Variants in EEPD1 observed in about 807,000 individuals in gnomAD.
The protein encoded by EEPD1 is endonuclease/exonuclease/phosphatase family domain-containing protein 1.
EEPD1 carries 17 observed loss-of-function variants against 46.3 expected under a neutral mutation model. The observed-to-expected ratio is 0.37, with a 90% confidence interval of 0.25 to 0.55. The LOEUF is 0.55. Among genes scored for constraint, EEPD1 ranks in the 20% least tolerant of loss-of-function variants. The pLI, the probability that EEPD1 is intolerant of heterozygous loss-of-function variation, is 0.83. For synonymous variants in EEPD1, 313 were observed against 315.6 expected, an observed-to-expected ratio of 0.99 and a Z score of 0.09; for missense variants, 673 against 745.6, an observed-to-expected ratio of 0.90 and a Z score of 1.13.
chr7:36,164,591 T>A (rs571314202), intron 2 of EEPD1, among the ~76,000 whole-genome samples: 51 of 152,386 alleles, frequency 3.3e-4, no homozygotes, highest in African/African-American at 1.2e-3. Context: ...TTGTTCTACA[T>A]GTTTATTGTA....
At chr7:36,235,774 G>A (rs1786422735) in intron 2 of EEPD1, among the ~76,000 whole-genome samples, 1 of 152,198 alleles carries the variant, frequency 6.6e-6, no homozygotes, top group African/African-American at 2.4e-5. Flanking sequence ...ACAGTAAGTA[G>A]CTATCAGATA....
chr7:36,249,731 T>C (rs916251027), intron 3 of EEPD1, among the ~76,000 whole-genome samples: 4 of 152,228 alleles, frequency 2.6e-5, no homozygotes, highest in Non-Finnish European at 5.9e-5. Flanking sequence ...TGTCAGGGCT[T>C]ATTCAAGGCT....
intron 2 of EEPD1, among the ~76,000 whole-genome samples, chr7:36,223,052 G>A (rs917623980): frequency 1.3e-5 from 2 of 152,108 alleles, no homozygotes; most frequent in African/African-American, 4.8e-5. Context: ...TTGGGAGGCT[G>A]AGACAGGAGA....
At position 36,287,594 on chromosome 7, in the gene EEPD1, T is replaced by C. The variant is rs368005491; in HGVS notation, c.1177-45T>C. On this transcript the variant is annotated intron_variant, in intron 5 of 7. Coordinates refer to ENST00000242108, the MANE Select transcript of EEPD1 (RefSeq NM_030636.3). ...TCGGTTGTAACGGATACAGGAAATA[T>C]GAGCTTCTGAGCCTCTCCCTGTTGC... The C allele has an allele frequency of 9.4e-6, 15 of 1,591,958 alleles. No individual in the cohort carries two copies. In the African/African-American group the frequency reaches 1.3e-4, roughly 14 times the overall value.
intron 2 of EEPD1, among the ~76,000 whole-genome samples, chr7:36,229,994 C>T (rs1388177005): frequency 4.6e-5 from 7 of 152,098 alleles, no homozygotes; most frequent in African/African-American, 1.7e-4. Context: ...ACTCAAAGGT[C>T]CCAAAGCCCT....
intron 2 of EEPD1, among the ~76,000 whole-genome samples, chr7:36,201,932 A>C (rs1043047593): frequency 1.3e-5 from 2 of 152,112 alleles, no homozygotes; most frequent in Non-Finnish European, 2.9e-5. Flanking sequence ...AAAGGGTTCT[A>C]CCTGACCTGC....
intron 2 of EEPD1, among the ~76,000 whole-genome samples, chr7:36,173,548 C>T (rs1785126829): frequency 1.3e-5 from 2 of 151,898 alleles, no homozygotes; most frequent in Admixed American, 6.6e-5. Context: ...TTCTCTTCTG[C>T]TGCCATGTAA....
At chr7:36,258,166 A>G (rs1786857128) in intron 3 of EEPD1, among the ~76,000 whole-genome samples, 1 of 152,216 alleles carries the variant, frequency 6.6e-6, no homozygotes, top group African/African-American at 2.4e-5. Flanking sequence ...GCTGCAGAAC[A>G]GCAAAGATTG....
At chr7:36,242,089 TC>T (rs1245213770) in intron 3 of EEPD1, among the ~76,000 whole-genome samples, 1 of 152,202 alleles carries the variant, frequency 6.6e-6, no homozygotes, top group African/African-American at 2.4e-5. Context: ...AAGCCCACCT[TC>T]CTAACTAGTT....
intron 2 of EEPD1, among the ~76,000 whole-genome samples, chr7:36,156,783 G>A (rs1784831404): frequency 6.6e-6 from 1 of 152,208 alleles, no homozygotes; most frequent in Non-Finnish European, 1.5e-5. Context: ...CACCCTCCAG[G>A]TGGTTCTGAT....
chr7:36,266,066 T>C (rs1214023651), intron 3 of EEPD1, among the ~76,000 whole-genome samples: 1 of 152,186 alleles, frequency 6.6e-6, no homozygotes, highest in Non-Finnish European at 1.5e-5. Flanking sequence ...GTGCAAATCA[T>C]GGCGTGGCCA....
intron 2 of EEPD1, among the ~76,000 whole-genome samples, chr7:36,237,199 T>A (rs1157789088): frequency 1.3e-5 from 2 of 152,086 alleles, no homozygotes; most frequent in Non-Finnish European, 2.9e-5. Flanking sequence ...AGGAAGAAAC[T>A]CCGAACACGT....
At chr7:36,283,064 A>G (rs1420900233) in intron 4 of EEPD1, among the ~76,000 whole-genome samples, 2 of 152,222 alleles carry the variant, frequency 1.3e-5, no homozygotes, top group Non-Finnish European at 2.9e-5. Context: ...CTTACACGAT[A>G]GCCAGAGGGG....
At chr7:36,156,052 G>T (rs900006324) in intron 2 of EEPD1, among the ~76,000 whole-genome samples, 13 of 152,212 alleles carry the variant, frequency 8.5e-5, no homozygotes, top group African/African-American at 3.1e-4. Flanking sequence ...TATTTGTGAT[G>T]GTCCCTTCCA....
rs1787547341 is a variant in EEPD1 at position 36,297,520 on chromosome 7, T to TG, written c.1510+334dup. Among the ~76,000 whole-genome samples, 3 of 152,084 alleles carry TG rather than the reference T, an allele frequency of 2.0e-5. No homozygotes were observed. The South Asian group carries it at 6.2e-4, about 31-fold the overall frequency. The stretch of plus-strand genomic sequence containing the variant: ...TGACAAATAATTTTAGAACACCCAC[T>TG]GACCTACAGCAAGCAGATGTGTTCC... On this transcript the variant is annotated intron_variant, in intron 7 of 7. Transcript: ENST00000242108.
intron 4 of EEPD1, among the ~76,000 whole-genome samples, chr7:36,282,553 G>A (rs1399343084): frequency 6.6e-6 from 1 of 152,250 alleles, no homozygotes; most frequent in Non-Finnish European, 1.5e-5. Flanking sequence ...TGAGGTTGCA[G>A]GGAGACCCGA....
chr7:36,280,489 C>T (rs1342490693), intron 3 of EEPD1, among the ~76,000 whole-genome samples: 1 of 152,226 alleles, frequency 6.6e-6, no homozygotes, highest in Non-Finnish European at 1.5e-5. Context: ...AGTTGTTCCA[C>T]TCCTCATCCT....
At chr7:36,288,763 TA>T (rs200857063) in intron 6 of EEPD1, among the ~76,000 whole-genome samples, 13,801 of 135,246 alleles carry the variant, frequency 0.1, 659 homozygotes, top group Non-Finnish European at 0.12. Flanking sequence ...CCCCATCTCT[TA>T]AAAAAAAAAA....
chr7:36,272,595 G>A (rs1787127249), intron 3 of EEPD1, among the ~76,000 whole-genome samples: 1 of 151,286 alleles, frequency 6.6e-6, no homozygotes, highest in Non-Finnish European at 1.5e-5. Flanking sequence ...CACATGGAGA[G>A]GCTAACAGAA....
Sources: allele counts gnomAD v4.1 joint callset (sites outside exome capture counted in the v4.1 genomes callset), GRCh38; gene constraint gnomAD v4.1.1; transcripts MANE v1.5; gene names NCBI Gene and HGNC (gene_info 2026-07-23, HGNC 2026-07-21).